Variants in CALY observed in about 807,000 individuals in gnomAD.
The protein encoded by CALY is calcyon neuron specific vesicular protein.
Under a neutral mutation model 20.2 loss-of-function variants are expected in CALY, and 15 were observed. That is an observed-to-expected ratio of 0.74 (90% CI 0.50 to 1.14). The LOEUF is 1.14. Ranked by LOEUF, CALY falls within the 50% of genes most tolerant of loss-of-function variation. CALY has a pLI of 0.00. For missense variants in CALY, 270 were observed against 304.4 expected (o/e 0.89, Z 0.84); for synonymous variants, 129 against 131.8 (o/e 0.98, Z 0.15).
intron 2 of CALY, 56 bp downstream of exon 2, chr10:133,328,799 C>T (rs1848255171): frequency 1.3e-6 from 2 of 1,491,658 alleles, no homozygotes; most frequent in African/African-American, 1.4e-5. Context: ...TCACCCCACA[C>T]CCCTTTGTTC....
chr10:133,327,195 G>A (rs947296730), intron 3 of CALY, among the ~76,000 whole-genome samples: 7 of 152,350 alleles, frequency 4.6e-5, no homozygotes, highest in African/African-American at 1.7e-4. Context: ...CCTTGCTGGT[G>A]GCCCCTCCAC....
intron 1 of CALY, among the ~76,000 whole-genome samples, chr10:133,335,139 G>C: frequency 6.6e-6 from 1 of 152,148 alleles, no homozygotes; most frequent in East Asian, 1.9e-4. Context: ...GTGGGGCGAG[G>C]GCAGCCAGCG....
Position 133,329,007 on chromosome 10 carries a change from G to A in CALY, c.-18C>T. The stretch of plus-strand genomic sequence containing the variant: ...TTCACCATGGTGGATGGCAGTCCTT[G>A]TCCTGTCCAAAGACAGACAGAGTCA... On this transcript the variant is annotated splice_region_variant and 5_prime_UTR_variant, in exon 2 of 6. Coordinates refer to ENST00000252939, the MANE Select transcript of CALY (RefSeq NM_015722.4). 1 of 1,549,496 alleles carries A rather than the reference G, an allele frequency of 6.5e-7. No homozygotes were observed.
intron 1 of CALY, among the ~76,000 whole-genome samples, chr10:133,334,541 G>A (rs566803135): frequency 7.5e-5 from 10 of 133,920 alleles, no homozygotes; most frequent in Non-Finnish European, 1.3e-4. Flanking sequence ...AGGCTCTGAG[G>A]GGGGAAGGCT....
In CALY at chr10:133,327,316, CGCAGCCT is replaced by C. The variant is rs1848230664; in HGVS notation, c.247-332_247-326del. 4.7e-5 allele frequency: 23 copies of C among 494,136 alleles called. No homozygotes were observed. The South Asian group carries it at 6.0e-4, about 13-fold the overall frequency. The allele number at this position is 494,136 out of a possible 1,614,324, so 30.6% of individuals were successfully genotyped here. A position where few individuals can be genotyped will look rare whatever the true frequency, so the allele number is the denominator to read the frequency against. ...GGTGTGGGCTCCCAGGGGATGGGGC[CGCAGCCT>C]CAGGGGAGTCGGAGGCTGCACTCAC... On this transcript the variant is annotated intron_variant, in intron 3 of 5. Coordinates refer to ENST00000252939, the MANE Select transcript of CALY (RefSeq NM_015722.4).
intron 3 of CALY, among the ~76,000 whole-genome samples, 198 bp from the exon 4 acceptor site, chr10:133,327,189 G>T (rs1395285083): frequency 1.3e-5 from 2 of 152,254 alleles, no homozygotes; most frequent in Non-Finnish European, 2.9e-5. Flanking sequence ...GCCAGGCCTT[G>T]CTGGTGGCCC....
At chr10:133,326,778 C>G in intron 4 of CALY, 100 bp downstream of exon 4, 1 of 719,982 alleles carries the variant, frequency 1.4e-6, no homozygotes, top group Non-Finnish European at 2.5e-6. Context: ...TTGGAGACCA[C>G]GTTCCCCCAG....
In CALY at chr10:133,325,943, T is replaced by G; in HGVS notation, c.538A>C (p.Thr180Pro). Residue 180 changes from threonine to proline, a missense_variant, in exon 5 of 6, where the codon ACC becomes CCC. Coordinates refer to ENST00000252939, the MANE Select transcript of CALY (RefSeq NM_015722.4). Reference protein sequence around the residue: ...RAAKEERKGPTQAGAAAAATE... With the variant: ...RAAKEERKGPPQAGAAAAATE... ...GCCGCCGCCGCCGCCCCAGCCTGGG[T>G]GGGCCCCTTGCGCTCCTCCTTGGCT... is the stretch of plus-strand genomic sequence containing the variant. 1 of 1,450,268 alleles carries G rather than the reference T, an allele frequency of 6.9e-7. No individual in the cohort carries two copies. Among genetic ancestry groups the G allele is most frequent in the Non-Finnish European group, 9.1e-7 (1 of 1,093,382 alleles). 89.8% of individuals were successfully genotyped at this position (1,450,268 alleles called of 1,614,324 possible). A position where few individuals can be genotyped will look rare whatever the true frequency, so the allele number is the denominator to read the frequency against.
chr10:133,335,875 T>G (rs1226825974), intron 1 of CALY, among the ~76,000 whole-genome samples: 1 of 151,548 alleles, frequency 6.6e-6, no homozygotes, highest in African/African-American at 2.4e-5. Context: ...GGCAGATGGG[T>G]GGGGGCGCGG....
At chr10:133,327,654 T>C (rs1848235598) in intron 3 of CALY, 1 of 615,754 alleles carries the variant, frequency 1.6e-6, no homozygotes, top group South Asian at 1.8e-5. Context: ...TCGCGGGCAC[T>C]TCCCAGAAAG....
In CALY at chr10:133,326,880, G is replaced by T. The variant is rs377750906; in HGVS notation, c.358C>A (p.Arg120=). The part of the protein sequence containing the change: ...QFTCPDGFLL[R]HKICTPLTLE... ...CACCAGAGCCCTGGCCCCCTTACCCGCAGCAGGAAGCCGTCGGGGCAGGTG... is the reference window on the plus strand; with the variant it reads ...CACCAGAGCCCTGGCCCCCTTACCCTCAGCAGGAAGCCGTCGGGGCAGGTG... Residue 120 remains arginine (R), a splice_region_variant and synonymous_variant, in exon 4 of 6, where the codon CGG becomes AGG. Coordinates refer to ENST00000252939, the MANE Select transcript of CALY (RefSeq NM_015722.4). 2 of 1,601,696 alleles carry T rather than the reference G, an allele frequency of 1.2e-6. No homozygotes were observed. Among genetic ancestry groups the T allele is most frequent in the Admixed American group, 1.7e-5 (1 of 58,156 alleles).
chr10:133,335,088 C>G (rs1164010318), intron 1 of CALY, among the ~76,000 whole-genome samples: 1 of 152,070 alleles, frequency 6.6e-6, no homozygotes, highest in Non-Finnish European at 1.5e-5. Flanking sequence ...GAAGCAGAGT[C>G]GGAGCAGCGG....
At position 133,324,310 on chromosome 10, in the gene CALY, G is replaced by C. The variant is rs1044004632; in HGVS notation, c.*1285C>G. ...CCTGGCTGGCTTCCAGCTCACCATG[G>C]CTTCCCTGGCAGGCCCAGTTCACAG... On this transcript the variant is annotated 3_prime_UTR_variant, in exon 6 of 6. Coordinates refer to ENST00000252939, the MANE Select transcript of CALY (RefSeq NM_015722.4). 4.4e-6 allele frequency: 2 copies of C among 455,288 alleles called. No individual in the cohort carries two copies. The highest frequency in any genetic ancestry group is 4.4e-6 in the Non-Finnish European group (1 of 226,652). The allele number at this position is 455,288 out of a possible 1,614,324, so 28.2% of individuals were successfully genotyped here.
intron 1 of CALY, among the ~76,000 whole-genome samples, chr10:133,329,392 C>CTTCTTTTTTTTT (rs549430070): frequency 7.3e-6 from 1 of 137,450 alleles, no homozygotes; most frequent in African/African-American, 2.9e-5. Context: ...TCTTCTTCTT[C>CTTCTTTTTTTTT]TTTTTTTTTT....
chr10:133,324,727 G>C lies in CALY; in HGVS notation c.*868C>G, dbSNP rs771763559. Reference sequence around the variant, plus strand: ...CCATTCCCTGTAGTGTTCAGTGCCGGGAGTTGGCTGGGGCTGGGGTGGGGA... The same window carrying C: ...CCATTCCCTGTAGTGTTCAGTGCCGCGAGTTGGCTGGGGCTGGGGTGGGGA... On this transcript the variant is annotated 3_prime_UTR_variant, in exon 6 of 6. Transcript: ENST00000252939. 4.4e-6 allele frequency: 1 copy of C among 228,158 alleles called. No individual in the cohort carries two copies. Among genetic ancestry groups the C allele is most frequent in the Non-Finnish European group, 8.7e-6 (1 of 114,494 alleles). 14.1% of individuals were successfully genotyped at this position (228,158 alleles called of 1,614,324 possible).
intron 1 of CALY, among the ~76,000 whole-genome samples, chr10:133,333,590 G>A (rs11101696): frequency 0.019 from 2,912 of 151,338 alleles, 43 homozygotes; most frequent in Non-Finnish European, 0.03. Context: ...AGGTGGGAAG[G>A]GTCGGAGAGC....
At position 133,324,084 on chromosome 10, in the gene CALY, C is replaced by G. The variant is rs1848164273; in HGVS notation, c.*1511G>C. 1 of 165,976 alleles carries G rather than the reference C, an allele frequency of 6.0e-6. No homozygotes were observed. The highest frequency in any genetic ancestry group is 2.4e-5 in the African/African-American group (1 of 41,530). 10.3% of individuals were successfully genotyped at this position (165,976 alleles called of 1,614,324 possible). A position where few individuals can be genotyped will look rare whatever the true frequency, so the allele number is the denominator to read the frequency against. On this transcript the variant is annotated 3_prime_UTR_variant, in exon 6 of 6. Transcript: ENST00000252939. ...AATAATAATAAAATACAGGGGAAAG[C>G]TGTATTTTAATTCAAACATCGGCCA...
In CALY at chr10:133,325,978, C is replaced by G. The variant is rs1264849419; in HGVS notation, c.503G>C (p.Gly168Ala). The G allele has an allele frequency of 2.6e-6, 4 of 1,548,752 alleles. No homozygotes were observed. Among genetic ancestry groups the G allele is most frequent in the African/African-American group, 1.4e-5 (1 of 72,864 alleles). ...GCGCTCCTCCTTGGCTGCGCGGTAGCCGTCCCCCCAGGCCGCCGGCGTCTC... is the reference window on the plus strand; with the variant it reads ...GCGCTCCTCCTTGGCTGCGCGGTAGGCGTCCCCCCAGGCCGCCGGCGTCTC... ...GTETPAAWGD[G>A]YRAAKEERKG... is the part of the protein sequence containing the mutation. The change falls in exon 5 of 6, where the codon GGC (glycine) becomes GCC (alanine). Residue 168 changes from glycine to alanine, a missense_variant. By Grantham distance (60) the Gly-to-Ala change is moderately conservative. Transcript: ENST00000252939.
intron 3 of CALY, 97 bp from the exon 4 acceptor site, chr10:133,327,088 C>T: frequency 1.2e-6 from 1 of 830,310 alleles, no homozygotes; most frequent in Non-Finnish European, 2.0e-6. Flanking sequence ...CCATCCCCGC[C>T]CTCCAGTCTT....
Sources: gnomAD v4.1 joint callset for allele counts (sites outside exome capture counted in the v4.1 genomes callset) on GRCh38, gnomAD v4.1.1 for gene constraint, MANE v1.5 for transcripts, NCBI Gene and HGNC (gene_info 2026-07-23, HGNC 2026-07-21) for gene names.